The following TRIM65 variants were observed in gnomAD, a reference collection of about 807,000 sequenced individuals.
The protein encoded by TRIM65 is tripartite motif containing 65, also known as E3 ubiquitin-protein ligase TRIM65.
Under a neutral mutation model 36.1 loss-of-function variants are expected in TRIM65, and 46 were observed. The observed-to-expected ratio is 1.27, with a 90% CI of 1.01 to 1.63. TRIM65 has a LOEUF of 1.63. Among genes scored for constraint, TRIM65 ranks in the 40% most tolerant of loss-of-function variants. The pLI is 0.00. For missense variants in TRIM65, 708 were observed against 696.6 expected (o/e 1.02, Z -0.18); for synonymous variants, 346 against 313.6 (o/e 1.10, Z -1.09).
At position 75,896,081 on chromosome 17, in the gene TRIM65, A is replaced by C. The variant is rs537621456; in HGVS notation, c.414+443T>G. ...TTTGTTTGTTTATTTTCTGAGACGG[A>C]GTCTCGCTCTGTCGCCCAGACTGGA... On this transcript the variant is annotated intron_variant, in intron 1 of 5. Coordinates refer to ENST00000269383, the MANE Select transcript of TRIM65 (RefSeq NM_173547.4). Among the ~76,000 whole-genome samples, 28 of 152,308 alleles carry C rather than the reference A, an allele frequency of 1.8e-4. 1 individual carries two copies. In the South Asian group the frequency reaches 5.8e-3, roughly 32 times the overall value.
intron 2 of TRIM65, 22 bp downstream of exon 2, chr17:75,892,733 C>A (rs755535736): frequency 6.3e-7 from 1 of 1,593,060 alleles, no homozygotes; most frequent in Non-Finnish European, 8.5e-7. Flanking sequence ...CCATGGTGGG[C>A]GGGCAGGCAC....
downstream of TRIM65, among the ~76,000 whole-genome samples, chr17:75,887,417 G>A (rs993655054): frequency 6.6e-6 from 1 of 151,896 alleles, no homozygotes; most frequent in African/African-American, 2.4e-5. Flanking sequence ...GTGGAAGGCA[G>A]GGGTTGCACT....
Position 75,890,222 on chromosome 17 carries a change from C to T in TRIM65, c.*557G>A, listed in dbSNP as rs2144043529. 1 of 152,242 alleles carries T rather than the reference C, an allele frequency of 6.6e-6. No homozygotes were observed. Among genetic ancestry groups the T allele is most frequent in the African/African-American group, 2.4e-5 (1 of 41,512 alleles). 9.4% of individuals were successfully genotyped at this position (152,242 alleles called of 1,614,324 possible). On this transcript the variant is annotated 3_prime_UTR_variant, in exon 6 of 6. Coordinates refer to ENST00000269383, the MANE Select transcript of TRIM65 (RefSeq NM_173547.4). Reference sequence around the variant, plus strand: ...AGAGCAAGACCATCTCCTAAAAACACAAAAATGTTTAAATGCAGAAAACAA... The same window carrying T: ...AGAGCAAGACCATCTCCTAAAAACATAAAAATGTTTAAATGCAGAAAACAA...
chr17:75,887,610 G>A (rs563762467), downstream of TRIM65, among the ~76,000 whole-genome samples: 36 of 145,254 alleles, frequency 2.5e-4, no homozygotes, highest in Admixed American at 5.7e-4. Flanking sequence ...CTGTACCACC[G>A]CACTCTAGCC....
chr17:75,879,943 G>A (rs2065159224), downstream of TRIM65, among the ~76,000 whole-genome samples: 1 of 150,330 alleles, frequency 6.7e-6, no homozygotes. Flanking sequence ...TAGTAGAGAC[G>A]GGGTTTCACC....
rs1567844463 is a variant in TRIM65 at position 75,892,008 on chromosome 17, T to C, written c.919+3A>G. The C allele has an allele frequency of 6.4e-7, 1 of 1,552,520 alleles. No individual in the cohort carries two copies. Among genetic ancestry groups the C allele is most frequent in the Non-Finnish European group, 8.7e-7 (1 of 1,147,338 alleles). On this transcript the variant is annotated splice_donor_region_variant and intron_variant, in intron 4 of 5. Coordinates refer to ENST00000269383, the MANE Select transcript of TRIM65 (RefSeq NM_173547.4). ...GCAGGGGGAGGCCTGGGGTCAGTCT[T>C]ACCCACGGGGGCTAAGTCCACAGGC...
chr17:75,890,656 C>T lies in TRIM65; in HGVS notation c.*123G>A. ...TTTATGCTCACCTCCCCCAACCTCC[C>T]ATCTCTTTCTGAGTTAACAGAGAGG... On this transcript the variant is annotated 3_prime_UTR_variant, in exon 6 of 6. Coordinates refer to ENST00000269383, the MANE Select transcript of TRIM65 (RefSeq NM_173547.4). The T allele has an allele frequency of 1.2e-6, 1 of 814,740 alleles. No individual in the cohort carries two copies. The highest frequency in any genetic ancestry group is 1.8e-6 in the Non-Finnish European group (1 of 548,926). The allele number at this position is 814,740 out of a possible 1,614,324, so 50.5% of individuals were successfully genotyped here.
Position 75,890,429 on chromosome 17 carries a change from A to C in TRIM65, c.*350T>G. Reference sequence around the variant, plus strand: ...CTCCCTGACTGCTCCTTTGGCCCTTATCATCTCCAGAGGCAAGTTCAGGTA... The same window carrying C: ...CTCCCTGACTGCTCCTTTGGCCCTTCTCATCTCCAGAGGCAAGTTCAGGTA... On this transcript the variant is annotated 3_prime_UTR_variant, in exon 6 of 6. Coordinates refer to ENST00000269383, the MANE Select transcript of TRIM65 (RefSeq NM_173547.4). 1 of 183,784 alleles carries C rather than the reference A, an allele frequency of 5.4e-6. No homozygotes were observed. Among genetic ancestry groups the C allele is most frequent in the Non-Finnish European group, 1.1e-5 (1 of 90,116 alleles). 11.4% of individuals were successfully genotyped at this position (183,784 alleles called of 1,614,324 possible). A position where few individuals can be genotyped will look rare whatever the true frequency, so the allele number is the denominator to read the frequency against.
chr17:75,895,469 G>C (rs561676772), intron 1 of TRIM65, among the ~76,000 whole-genome samples: 2 of 152,082 alleles, frequency 1.3e-5, no homozygotes, highest in Non-Finnish European at 2.9e-5. Flanking sequence ...TCCTGCCCCT[G>C]CTGACCCCCA....
intron 1 of TRIM65, 118 bp downstream of exon 1, chr17:75,896,406 T>C: frequency 8.2e-7 from 1 of 1,218,484 alleles, no homozygotes; most frequent in Non-Finnish European, 1.0e-6. Context: ...CCCTTACAGA[T>C]GAGGCTCCCC....
In TRIM65 at chr17:75,892,391, G is replaced by GT; in HGVS notation, c.619dup (p.Thr207AsnfsTer37). On this transcript the variant is annotated frameshift_variant, in exon 3 of 6. Coordinates refer to ENST00000269383, the MANE Select transcript of TRIM65 (RefSeq NM_173547.4). LOFTEE classifies it high-confidence loss of function. ...GTCTCGAGCCTGTGCCAGCGCCTGCGTCTTGGCCACCTCGATGCTCCTCAG... is the reference window on the plus strand; with the variant it reads ...GTCTCGAGCCTGTGCCAGCGCCTGCGTTCTTGGCCACCTCGATGCTCCTCAG... 1 of 1,613,994 alleles carries GT rather than the reference G, an allele frequency of 6.2e-7. No individual in the cohort carries two copies. Among genetic ancestry groups the GT allele is most frequent in the Non-Finnish European group, 8.5e-7 (1 of 1,179,988 alleles).
At chr17:75,891,425 C>T in intron 5 of TRIM65, 78 bp from the exon 6 acceptor site, 1 of 1,476,478 alleles carries the variant, frequency 6.8e-7, no homozygotes, top group Non-Finnish European at 9.3e-7. Flanking sequence ...TGCTAAACCT[C>T]CGCCAGGCAC....
chr17:75,892,611 G>T, intron 2 of TRIM65, 111 bp from the exon 3 acceptor site: 1 of 1,243,366 alleles, frequency 8.0e-7, no homozygotes, highest in Admixed American at 2.2e-5. Context: ...GGGGAGGCAG[G>T]GTCCCGGGAA....
chr17:75,891,442 C>T, intron 5 of TRIM65, 95 bp from the exon 6 acceptor site: 1 of 1,285,108 alleles, frequency 7.8e-7, no homozygotes, highest in Non-Finnish European at 1.1e-6. Context: ...GCACGCTGAG[C>T]ACCGGCCGTC....
Position 75,891,249 on chromosome 17 carries a change from G to T in TRIM65, c.1084C>A (p.Pro362Thr). ...QVKHCRQSRG[P>T]GGPGSFELWQ... ...AGCTCAAAGCTGCCGGGCCCGCCTGGGCCCCGGGACTGACGACAGTGCTTC... is the reference window on the plus strand; with the variant it reads ...AGCTCAAAGCTGCCGGGCCCGCCTGTGCCCCGGGACTGACGACAGTGCTTC... The change falls in exon 6 of 6, where the codon CCA becomes ACA. Residue 362 changes from proline (P) to threonine (T), a missense_variant. Coordinates refer to ENST00000269383, the MANE Select transcript of TRIM65 (RefSeq NM_173547.4). 6.2e-7 allele frequency: 1 copy of T among 1,612,944 alleles called. No individual in the cohort carries two copies. The highest frequency in any genetic ancestry group is 8.5e-7 in the Non-Finnish European group (1 of 1,179,742).
chr17:75,894,980 G>A (rs898927866), intron 1 of TRIM65, among the ~76,000 whole-genome samples: 4 of 152,206 alleles, frequency 2.6e-5, no homozygotes, highest in Non-Finnish European at 2.9e-5. Flanking sequence ...CGGGGTCAGC[G>A]CGCGGCAGGG....
chr17:75,882,991 A>T (rs56741487), intron 4 of TRIM65, among the ~76,000 whole-genome samples: 1 of 149,376 alleles, frequency 6.7e-6, no homozygotes, highest in African/African-American at 2.6e-5. Context: ...AAAAAAAAAA[A>T]ACAAAAACAA....
At chr17:75,882,239 G>A (rs1184496579) in intron 4 of TRIM65, among the ~76,000 whole-genome samples, 2 of 150,160 alleles carry the variant, frequency 1.3e-5, no homozygotes, top group Non-Finnish European at 2.9e-5. Context: ...ATGGAGTCTC[G>A]CTCTGTCGCC....
Position 75,891,164 on chromosome 17 carries a change from G to A in TRIM65, c.1169C>T (p.Ala390Val), listed in dbSNP as rs750895177. The A allele has an allele frequency of 4.4e-6, 7 of 1,609,176 alleles. No individual in the cohort carries two copies. Among genetic ancestry groups the A allele is most frequent in the South Asian group, 2.2e-5 (2 of 91,092 alleles). Residue 390 changes from alanine (A) to valine (V), a missense_variant, in exon 6 of 6, where the codon GCG becomes GTG. Coordinates refer to ENST00000269383, the MANE Select transcript of TRIM65 (RefSeq NM_173547.4). ...QAGHHYWEVR[A>V]SDHSVTLGVS... ...GCCCAGTGTCACCGAGTGGTCTGAC[G>A]CGCGCACCTCCCAGTAGTGGTGCCC...
Sources: gnomAD v4.1 joint callset for allele counts (sites outside exome capture counted in the v4.1 genomes callset) on GRCh38, gnomAD v4.1.1 for gene constraint, MANE v1.5 for transcripts, NCBI Gene and HGNC (gene_info 2026-07-23, HGNC 2026-07-21) for gene names.